NEMP2: variants seen among roughly 807,000 people sequenced by gnomAD.
NEMP2 encodes the protein UPF0571 transmembrane protein.
NEMP2 carries 53 observed loss-of-function variants against 54.2 expected under a neutral mutation model. The observed-to-expected ratio is 0.98, with a 90% confidence interval of 0.78 to 1.23. The LOEUF (loss-of-function observed/expected upper bound fraction) is 1.23, where lower values mean the gene tolerates loss of function less well. Ranked by LOEUF, NEMP2 falls within the 50% of genes most tolerant of loss-of-function variation. The pLI, the probability that NEMP2 is intolerant of heterozygous loss-of-function variation, is 0.00. For synonymous variants in NEMP2, 197 were observed against 190.3 expected (o/e 1.04, Z -0.29); for missense variants, 455 against 511.3 (o/e 0.89, Z 1.06).
the NEMP2 span, among the ~76,000 whole-genome samples, chr2:190,491,801 C>G: frequency 6.6e-6 from 1 of 152,130 alleles, no homozygotes; most frequent in Non-Finnish European, 1.5e-5. This position sits in a 1 kb window ranked among gnomAD's most constrained non-coding sequence, Gnocchi z 4.2. Flanking sequence ...AGATCCAAAC[C>G]AAGAAGAAAT....
chr2:190,572,855 A>ATATATATATATT, the NEMP2 span, among the ~76,000 whole-genome samples: 3 of 127,284 alleles, frequency 2.4e-5, no homozygotes, highest in Non-Finnish European at 5.0e-5. Context: ...ATATATATAT[A>ATATATATATATT]TATATATATA....
chr2:190,430,332 C>T, the NEMP2 span, among the ~76,000 whole-genome samples: 1 of 150,686 alleles, frequency 6.6e-6, no homozygotes, highest in Non-Finnish European at 1.5e-5. Context: ...CTCTGGTTTT[C>T]CTAGGCAGAG....
At chr2:190,625,657 G>A in the NEMP2 span, 1 of 152,190 alleles carries the variant, frequency 6.6e-6, no homozygotes, top group Non-Finnish European at 1.5e-5. Flanking sequence ...TATCTATGAT[G>A]CTTTAGGCCA....
the NEMP2 span, among the ~76,000 whole-genome samples, chr2:190,605,261 T>C: frequency 6.6e-6 from 1 of 152,048 alleles, no homozygotes; most frequent in African/African-American, 2.4e-5. Flanking sequence ...CACCTCACAA[T>C]CTTGTCCCAC....
At chr2:190,586,024 A>G in the NEMP2 span, among the ~76,000 whole-genome samples, 1 of 152,156 alleles carries the variant, frequency 6.6e-6, no homozygotes, top group Admixed American at 6.5e-5. The surrounding 1 kb of genome is among the most constrained non-coding windows in gnomAD (Gnocchi z 4.5). Flanking sequence ...AAACTTTTCT[A>G]TCCCTTGTCT....
chr2:190,444,138 T>C, the NEMP2 span, among the ~76,000 whole-genome samples: 1 of 152,218 alleles, frequency 6.6e-6, no homozygotes, highest in Non-Finnish European at 1.5e-5. Context: ...TTCAATTTTG[T>C]AGGATATGTG....
At chr2:190,543,115 T>C in the NEMP2 span, among the ~76,000 whole-genome samples, 1 of 152,364 alleles carries the variant, frequency 6.6e-6, no homozygotes, top group South Asian at 2.1e-4. The surrounding 1 kb of genome is among the most constrained non-coding windows in gnomAD (Gnocchi z 4.7). Context: ...CAGCCCTGGA[T>C]GGTGCCTTAA....
the NEMP2 span, among the ~76,000 whole-genome samples, chr2:190,647,684 A>G: frequency 6.7e-6 from 1 of 150,340 alleles, no homozygotes; most frequent in East Asian, 1.9e-4. Flanking sequence ...TTTTGGCAAT[A>G]GCTTAAGTAC....
At chr2:190,474,699 C>A in the NEMP2 span, among the ~76,000 whole-genome samples, 9 of 152,296 alleles carry the variant, frequency 5.9e-5, no homozygotes, top group African/African-American at 1.9e-4. Flanking sequence ...AGAGGGAATC[C>A]TCCCTAACTC....
the NEMP2 span, among the ~76,000 whole-genome samples, chr2:190,447,414 G>A: frequency 6.6e-6 from 1 of 152,094 alleles, no homozygotes; most frequent in Admixed American, 6.6e-5. The surrounding 1 kb of genome is among the most constrained non-coding windows in gnomAD (Gnocchi z 4.5). Context: ...TTAAAATATG[G>A]CATTTATGGA....
the NEMP2 span, among the ~76,000 whole-genome samples, chr2:190,560,104 A>T: frequency 4.6e-5 from 7 of 152,202 alleles, no homozygotes; most frequent in South Asian, 2.1e-4. The surrounding 1 kb of genome is among the most constrained non-coding windows in gnomAD (Gnocchi z 5.4). Flanking sequence ...GATGCAGAAG[A>T]TCAGGGCAAA....
chr2:190,459,908 C>G, the NEMP2 span, among the ~76,000 whole-genome samples: 1 of 152,238 alleles, frequency 6.6e-6, no homozygotes, highest in Non-Finnish European at 1.5e-5. The surrounding 1 kb of genome is among the most constrained non-coding windows in gnomAD (Gnocchi z 5.3). Flanking sequence ...CTAATTCACT[C>G]TCTGACATAC....
At chr2:190,542,913 G>A in the NEMP2 span, among the ~76,000 whole-genome samples, 2 of 152,150 alleles carry the variant, frequency 1.3e-5, no homozygotes. The surrounding 1 kb of genome is among the most constrained non-coding windows in gnomAD (Gnocchi z 4.6). Context: ...GTCTGGAGAG[G>A]TCATGGTTCC....
At chr2:190,608,925 G>T in the NEMP2 span, 5 of 152,092 alleles carry the variant, frequency 3.3e-5, no homozygotes, top group African/African-American at 1.2e-4. The surrounding 1 kb of genome is among the most constrained non-coding windows in gnomAD (Gnocchi z 4.9). Flanking sequence ...TATATATAGG[G>T]TCTGGTACTA....
the NEMP2 span, among the ~76,000 whole-genome samples, chr2:190,439,201 T>C: frequency 6.6e-6 from 1 of 152,058 alleles, no homozygotes; most frequent in South Asian, 2.1e-4. This position sits in a 1 kb window ranked among gnomAD's most constrained non-coding sequence, Gnocchi z 5.8. Context: ...CAGTTAATAA[T>C]GTCTTTAAAA....
At chr2:190,579,047 T>C in the NEMP2 span, among the ~76,000 whole-genome samples, 2 of 152,256 alleles carry the variant, frequency 1.3e-5, no homozygotes, top group African/African-American at 4.8e-5. Flanking sequence ...ATCATAGTGT[T>C]GGTCACAGGG....
chr2:190,536,342 T>C (rs987378054), upstream of NEMP2, among the ~76,000 whole-genome samples: 2 of 152,134 alleles, frequency 1.3e-5, no homozygotes, highest in Admixed American at 6.5e-5. Flanking sequence ...GGAGAAGAGA[T>C]AGAAGCACAA....
the NEMP2 span, among the ~76,000 whole-genome samples, chr2:190,611,923 T>C: frequency 6.6e-6 from 1 of 152,166 alleles, no homozygotes; most frequent in African/African-American, 2.4e-5. The surrounding 1 kb of genome is among the most constrained non-coding windows in gnomAD (Gnocchi z 5.4). Flanking sequence ...GTCCGACTTA[T>C]TCCAGTTTCA....
At chr2:190,489,703 G>A in the NEMP2 span, 63 of 1,427,674 alleles carry the variant, frequency 4.4e-5, no homozygotes, top group East Asian at 1.4e-3. This position sits in a 1 kb window ranked among gnomAD's most constrained non-coding sequence, Gnocchi z 6.6. Flanking sequence ...GAAAACTGAT[G>A]GTTTTAGATG....
Sources: allele counts gnomAD v4.1 joint callset (sites outside exome capture counted in the v4.1 genomes callset), GRCh38; gene constraint gnomAD v4.1.1; non-coding constraint Gnocchi (gnomAD v3.1); transcripts MANE v1.5; gene names NCBI Gene and HGNC (gene_info 2026-07-23, HGNC 2026-07-21).